RAB3C: variants seen among roughly 807,000 people sequenced by gnomAD.
The protein encoded by RAB3C is ras-related protein Rab-3C.
In RAB3C, 17 loss-of-function variants were observed where a neutral mutation model predicts 26.4. The ratio of observed to expected loss-of-function variants is 0.64; its 90% CI spans 0.44 to 0.97. RAB3C has a LOEUF of 0.97. RAB3C is among the 50% of genes least tolerant of loss of function. The pLI is 0.00. For synonymous variants in RAB3C, 91 were observed against 95.9 expected, an observed-to-expected ratio of 0.95 and a Z score of 0.30; for missense variants, 242 against 281.9, an observed-to-expected ratio of 0.86 and a Z score of 1.01.
intron 3 of RAB3C, among the ~76,000 whole-genome samples, chr5:58,777,168 C>T (rs1216192006): frequency 6.6e-6 from 1 of 152,088 alleles, no homozygotes; most frequent in Non-Finnish European, 1.5e-5. Context: ...TTCTCACTGG[C>T]ACTTTTGACA....
intron 3 of RAB3C, among the ~76,000 whole-genome samples, chr5:58,780,450 A>T (rs1435955689): frequency 6.6e-6 from 1 of 152,128 alleles, no homozygotes; most frequent in Non-Finnish European, 1.5e-5. Flanking sequence ...TTGGTTACCA[A>T]TATCTCTTCT....
At chr5:58,841,467 C>A (rs1404204303) in intron 4 of RAB3C, among the ~76,000 whole-genome samples, 1 of 151,992 alleles carries the variant, frequency 6.6e-6, no homozygotes, top group Admixed American at 6.6e-5. Context: ...AGATACTGGC[C>A]CCCAGAGAAG....
rs147561648 is a variant in RAB3C at position 58,665,258 on chromosome 5, G to A, written c.252+47388G>A. Among the ~76,000 whole-genome samples, 357 of 152,264 alleles carry A rather than the reference G, an allele frequency of 2.3e-3. 1 individual carries two copies. The highest frequency in any genetic ancestry group is 7.7e-3 in the African/African-American group (320 of 41,540). Reference sequence around the variant, plus strand: ...ATATATTGTTTAATCCTACCAGGCAGGTAAGTGGATAAGGCTTTTATGGGG... The same window carrying A: ...ATATATTGTTTAATCCTACCAGGCAAGTAAGTGGATAAGGCTTTTATGGGG... On this transcript the variant is annotated intron_variant, in intron 2 of 4. Coordinates refer to ENST00000282878, the MANE Select transcript of RAB3C (RefSeq NM_138453.4).
chr5:58,632,102 G>A (rs1453930557), intron 2 of RAB3C, among the ~76,000 whole-genome samples: 2 of 152,190 alleles, frequency 1.3e-5, no homozygotes, highest in African/African-American at 2.4e-5. Flanking sequence ...TCTACAGTTG[G>A]GAGGCACTCA....
At chr5:58,840,828 G>C (rs1561148954) in intron 4 of RAB3C, among the ~76,000 whole-genome samples, 1 of 152,182 alleles carries the variant, frequency 6.6e-6, no homozygotes, top group African/African-American at 2.4e-5. Flanking sequence ...CAGGTTGGAG[G>C]CATATATATG....
chr5:58,607,499 A>C (rs1422829344), intron 1 of RAB3C, among the ~76,000 whole-genome samples: 2 of 152,224 alleles, frequency 1.3e-5, no homozygotes, highest in African/African-American at 2.4e-5. Context: ...TCAGGATATT[A>C]TCCAGGAGAA....
chr5:58,711,941 C>T (rs1749069805), intron 2 of RAB3C, among the ~76,000 whole-genome samples: 1 of 152,118 alleles, frequency 6.6e-6, no homozygotes, highest in Non-Finnish European at 1.5e-5. Context: ...GAAGCCTCTG[C>T]AATACCTGAA....
At chr5:58,834,184 C>T (rs143368629) in intron 4 of RAB3C, among the ~76,000 whole-genome samples, 94 of 152,300 alleles carry the variant, frequency 6.2e-4, no homozygotes, top group Non-Finnish European at 1.1e-3. Context: ...TTCAGCCTAT[C>T]GTTACAGTTT....
chr5:58,686,677 CAT>C (rs886209744), intron 2 of RAB3C, among the ~76,000 whole-genome samples: 17 of 148,404 alleles, frequency 1.1e-4, no homozygotes, highest in African/African-American at 3.9e-4. Flanking sequence ...AACACACACA[CAT>C]ACACACACAC....
intron 3 of RAB3C, among the ~76,000 whole-genome samples, chr5:58,756,905 T>C (rs542137122): frequency 8.5e-5 from 13 of 152,180 alleles, no homozygotes; most frequent in African/African-American, 3.1e-4. Flanking sequence ...AATAAACATA[T>C]GTGTGCATGT....
chr5:58,789,860 C>A (rs893031014), intron 3 of RAB3C, among the ~76,000 whole-genome samples: 7 of 152,150 alleles, frequency 4.6e-5, no homozygotes. Context: ...GAAACATTAG[C>A]CAGACACACC....
In RAB3C at chr5:58,646,456, G is replaced by GA. The variant is rs140765235; in HGVS notation, c.252+28595dup. The stretch of plus-strand genomic sequence containing the variant: ...TATTATACATAAGGTTTTCTCGGTG[G>GA]AAAAAAAAAGAAAACATTAACAGCG... On this transcript the variant is annotated intron_variant, in intron 2 of 4. Transcript: ENST00000282878. 4.1e-3 allele frequency among the ~76,000 whole-genome samples: 607 copies of GA among 148,338 alleles called. 3 individuals carry two copies. The highest frequency in any genetic ancestry group is 0.014 in the African/African-American group (573 of 40,294).
intron 4 of RAB3C, among the ~76,000 whole-genome samples, chr5:58,835,415 CCTT>C (rs1743723245): frequency 6.6e-6 from 1 of 152,160 alleles, no homozygotes; most frequent in Non-Finnish European, 1.5e-5. Context: ...TGCAAAGTGC[CCTT>C]CTTCATTATG....
intron 2 of RAB3C, among the ~76,000 whole-genome samples, chr5:58,710,531 G>A (rs1004004708): frequency 4.6e-5 from 7 of 151,584 alleles, no homozygotes; most frequent in African/African-American, 7.3e-5. Context: ...TCTGGGAGGC[G>A]GAGGTTGCAG....
chr5:58,756,037 G>A (rs1741648364), intron 3 of RAB3C, among the ~76,000 whole-genome samples: 1 of 151,554 alleles, frequency 6.6e-6, no homozygotes, highest in African/African-American at 2.4e-5. Flanking sequence ...AAATTTTATA[G>A]ATAAGTTGCA....
At position 58,852,419 on chromosome 5, in the gene RAB3C, T is replaced by C. The variant is rs1356717102; in HGVS notation, c.*1068T>C. 3 of 152,180 alleles carry C rather than the reference T, an allele frequency of 2.0e-5. No individual in the cohort carries two copies. Among genetic ancestry groups the C allele is most frequent in the Non-Finnish European group, 4.4e-5 (3 of 68,042 alleles). 9.4% of individuals were successfully genotyped at this position (152,180 alleles called of 1,614,324 possible). ...TAAGTTCTTTTACCTGTTTAGATGC[T>C]ATTTAAATCAGATTTCAAAGGGTCC... On this transcript the variant is annotated 3_prime_UTR_variant, in exon 5 of 5. Coordinates refer to ENST00000282878, the MANE Select transcript of RAB3C (RefSeq NM_138453.4).
rs916356808 is a variant in RAB3C at position 58,690,203 on chromosome 5, C to T, written c.253-35799C>T. 1.1e-4 allele frequency among the ~76,000 whole-genome samples: 17 copies of T among 151,992 alleles called. 1 individual carries two copies. The highest frequency in any genetic ancestry group is 2.1e-4 in the Non-Finnish European group (14 of 67,986). ...TACTTCTAGTTAAGAATTCTATAGC[C>T]ATTTGAGATGGTCTTAATGTTTTCT... On this transcript the variant is annotated intron_variant, in intron 2 of 4. Coordinates refer to ENST00000282878, the MANE Select transcript of RAB3C (RefSeq NM_138453.4).
At chr5:58,604,662 A>G (rs967997142) in intron 1 of RAB3C, among the ~76,000 whole-genome samples, 1 of 152,176 alleles carries the variant, frequency 6.6e-6, no homozygotes, top group Admixed American at 6.5e-5. Flanking sequence ...TGTGACCCCA[A>G]CAACAGCCCC....
At chr5:58,647,960 TA>T (rs972224159) in intron 2 of RAB3C, among the ~76,000 whole-genome samples, 1 of 152,122 alleles carries the variant, frequency 6.6e-6, no homozygotes, top group Non-Finnish European at 1.5e-5. Context: ...AACAGCTGAA[TA>T]AAAAAATGTG....
Sources: allele counts gnomAD v4.1 joint callset (sites outside exome capture counted in the v4.1 genomes callset), GRCh38; gene constraint gnomAD v4.1.1; transcripts MANE v1.5; gene names NCBI Gene and HGNC (gene_info 2026-07-23, HGNC 2026-07-21).